The following FRMD8 variants were observed in gnomAD, a reference collection of about 807,000 sequenced individuals.
FRMD8 encodes the protein FERM domain-containing protein 8.
A neutral mutation model predicts 54.2 loss-of-function variants in FRMD8; 37 were observed. The ratio of observed to expected loss-of-function variants is 0.68; its 90% CI spans 0.53 to 0.90. The LOEUF (loss-of-function observed/expected upper bound fraction) is 0.90, where lower values mean the gene tolerates loss of function less well. Among genes scored for constraint, FRMD8 ranks in the 40% least tolerant of loss-of-function variants. FRMD8 has a pLI of 0.00. For synonymous variants in FRMD8, 246 were observed against 286.9 expected, an observed-to-expected ratio of 0.86 and a Z score of 1.44; for missense variants, 585 against 653.7, an observed-to-expected ratio of 0.89 and a Z score of 1.15.
At position 65,397,032 on chromosome 11, in the gene FRMD8, A is replaced by C; in HGVS notation, c.803+12A>C. The C allele has an allele frequency of 7.2e-7, 1 of 1,393,958 alleles. No individual in the cohort carries two copies. The highest frequency in any genetic ancestry group is 2.9e-5 in the East Asian group (1 of 35,036). The allele number at this position is 1,393,958 out of a possible 1,614,324, so 86.3% of individuals were successfully genotyped here. A position where few individuals can be genotyped will look rare whatever the true frequency, so the allele number is the denominator to read the frequency against. ...CTGCCGTTTTATGGGTAAGAGCCAC[A>C]GCCCCGCGGTCCCCCACCCCCTCCG... On this transcript the variant is annotated intron_variant, in intron 7 of 10. Coordinates refer to ENST00000317568, the MANE Select transcript of FRMD8 (RefSeq NM_031904.5).
At chr11:65,405,209 C>A in intron 10 of FRMD8, 141 bp downstream of exon 10, 1 of 783,806 alleles carries the variant, frequency 1.3e-6, no homozygotes, top group Non-Finnish European at 2.1e-6. Context: ...CAGCTGTGAG[C>A]AGGCCGAGCC....
intron 6 of FRMD8, 94 bp downstream of exon 6, chr11:65,394,519 G>A: frequency 6.9e-7 from 1 of 1,446,604 alleles, no homozygotes. Context: ...CGCAAGGTGG[G>A]GGCAGGGTCC....
chr11:65,410,456 T>C (rs562037378), intron 10 of FRMD8, among the ~76,000 whole-genome samples: 2 of 147,828 alleles, frequency 1.4e-5, no homozygotes, highest in African/African-American at 5.0e-5. Context: ...GATCGTGCCA[T>C]TGCACTGCGG....
At chr11:65,401,819 A>ATT (rs1856089508) in intron 9 of FRMD8, among the ~76,000 whole-genome samples, 1 of 130,540 alleles carries the variant, frequency 7.7e-6, no homozygotes, top group African/African-American at 3.0e-5. Flanking sequence ...AAAGTTCACA[A>ATT]TTTTCTTTTT....
At chr11:65,392,242 C>A (rs974637297) in intron 3 of FRMD8, among the ~76,000 whole-genome samples, 1 of 152,054 alleles carries the variant, frequency 6.6e-6, no homozygotes, top group African/African-American at 2.4e-5. Flanking sequence ...GGGCTGTGGG[C>A]AAGGGGGCCC....
chr11:65,379,217 C>T, the FRMD8 span: 3 of 783,118 alleles, frequency 3.8e-6, no homozygotes, highest in African/African-American at 3.5e-5. Context: ...AGCCCTCCCC[C>T]AGAGGCCTGC....
chr11:65,371,449 A>G, the FRMD8 span, among the ~76,000 whole-genome samples: 1 of 152,074 alleles, frequency 6.6e-6, no homozygotes, highest in Non-Finnish European at 1.5e-5. Context: ...GACAGACACC[A>G]CCTCCTTTGT....
At chr11:65,398,423 T>C (rs892948581) in intron 7 of FRMD8, among the ~76,000 whole-genome samples, 3 of 152,218 alleles carry the variant, frequency 2.0e-5, no homozygotes, top group African/African-American at 7.2e-5. Context: ...CCTATGCATA[T>C]GGATGGCACC....
intron 2 of FRMD8, among the ~76,000 whole-genome samples, chr11:65,389,046 G>A (rs185465715): frequency 2.6e-5 from 4 of 152,322 alleles, no homozygotes; most frequent in East Asian, 1.9e-4. Context: ...TGAGGGGCAG[G>A]TTTGCAATGG....
chr11:65,387,168 G>T (rs1855750746), intron 2 of FRMD8, 47 bp downstream of exon 2: 1 of 1,454,688 alleles, frequency 6.9e-7, no homozygotes, highest in Non-Finnish European at 9.6e-7. Flanking sequence ...TGGGACCCCA[G>T]CCCTGGAGAA....
intron 2 of FRMD8, among the ~76,000 whole-genome samples, chr11:65,387,693 C>T (rs531741977): frequency 2.4e-4 from 37 of 152,216 alleles, no homozygotes; most frequent in African/African-American, 7.9e-4. Context: ...CGCCCGCCAC[C>T]ACGCCTGGCT....
At chr11:65,409,765 C>CAAAAAAAAA (rs751034633) in intron 10 of FRMD8, among the ~76,000 whole-genome samples, 1 of 117,966 alleles carries the variant, frequency 8.5e-6, no homozygotes. Context: ...GACCCTGTCG[C>CAAAAAAAAA]AAAAAAAAAA....
intron 10 of FRMD8, among the ~76,000 whole-genome samples, chr11:65,406,669 G>C (rs1399225349): frequency 6.6e-6 from 1 of 151,960 alleles, no homozygotes; most frequent in Non-Finnish European, 1.5e-5. Flanking sequence ...GCCGGGCGCA[G>C]TGGCTCACGC....
At chr11:65,403,088 G>A (rs1856116290) in intron 9 of FRMD8, among the ~76,000 whole-genome samples, 1 of 152,116 alleles carries the variant, frequency 6.6e-6, no homozygotes, top group African/African-American at 2.4e-5. Context: ...ATGTTGCCCA[G>A]GCTAATCTTG....
Position 65,394,388 on chromosome 11 carries a change from C to T in FRMD8, c.544C>T (p.Pro182Ser), listed in dbSNP as rs1275059819. The part of the protein sequence containing the change: ...GALVCRVQLG[P>S]YQPGRPAACD... ...CCTGGTGTGCCGCGTGCAGCTTGGG[C>T]CCTACCAGCCCGGCCGGCCGGCAGC... The change falls in exon 6 of 11, where the codon CCC becomes TCC. Residue 182 changes from proline to serine, a missense_variant. Transcript: ENST00000317568. 3.8e-6 allele frequency: 6 copies of T among 1,572,480 alleles called. No homozygotes were observed. Among genetic ancestry groups the T allele is most frequent in the Admixed American group, 3.7e-5 (2 of 53,708 alleles).
the FRMD8 span, among the ~76,000 whole-genome samples, chr11:65,369,412 C>A: frequency 6.6e-6 from 1 of 150,826 alleles, no homozygotes; most frequent in Admixed American, 6.6e-5. Context: ...TAATGAGACC[C>A]CATTTTTACA....
intron 7 of FRMD8, 38 bp from the exon 8 acceptor site, chr11:65,399,698 T>C (rs749650713): frequency 6.2e-7 from 1 of 1,608,084 alleles, no homozygotes; most frequent in East Asian, 2.2e-5. Context: ...TCAGCATTTC[T>C]GGTGCTGGCC....
the FRMD8 span, chr11:65,376,242 TC>T: frequency 1.2e-6 from 1 of 842,746 alleles, no homozygotes; most frequent in Non-Finnish European, 1.8e-6. Flanking sequence ...GGCTTCCGGC[TC>T]CCACAGGTGT....
chr11:65,377,253 C>T, the FRMD8 span: 20 of 1,427,162 alleles, frequency 1.4e-5, no homozygotes, highest in Middle Eastern at 5.1e-4. Context: ...TGTCTGCATG[C>T]GACCGGGACA....
Sources: allele counts gnomAD v4.1 joint callset (sites outside exome capture counted in the v4.1 genomes callset), GRCh38; gene constraint gnomAD v4.1.1; transcripts MANE v1.5; gene names NCBI Gene and HGNC (gene_info 2026-07-23, HGNC 2026-07-21).